PPA2: variants seen among roughly 807,000 people sequenced by gnomAD.
PPA2 encodes inorganic pyrophosphatase 2, mitochondrial.
A neutral mutation model predicts 49.5 loss-of-function variants in PPA2; 48 were observed. The ratio of observed to expected loss-of-function variants is 0.97; its 90% CI spans 0.77 to 1.23. The LOEUF (loss-of-function observed/expected upper bound fraction) is 1.23. Ranked by LOEUF, PPA2 falls within the 50% of genes most tolerant of loss-of-function variation. The pLI is 0.00. For synonymous variants in PPA2, 131 were observed against 139.9 expected (o/e 0.94, Z 0.45); for missense variants, 429 against 410.1 (o/e 1.05, Z -0.40).
intron 1 of PPA2, among the ~76,000 whole-genome samples, chr4:105,466,259 T>A (rs1723297012): frequency 6.6e-6 from 1 of 152,058 alleles, no homozygotes; most frequent in Non-Finnish European, 1.5e-5. Flanking sequence ...TCCCATTTAA[T>A]TTTTAAGTTT....
At chr4:105,430,320 A>G (rs1022540777) in intron 6 of PPA2, among the ~76,000 whole-genome samples, 2 of 152,246 alleles carry the variant, frequency 1.3e-5, no homozygotes, top group African/African-American at 4.8e-5. Flanking sequence ...ACAACTGACT[A>G]AAGTGATTGT....
chr4:105,442,491 C>A (rs1724416373), intron 5 of PPA2, among the ~76,000 whole-genome samples: 2 of 152,152 alleles, frequency 1.3e-5, no homozygotes, highest in South Asian at 4.1e-4. Flanking sequence ...TACATTAAGA[C>A]TGAAGAAATT....
intron 5 of PPA2, among the ~76,000 whole-genome samples, chr4:105,443,078 A>T (rs1724439526): frequency 6.6e-6 from 1 of 152,340 alleles, no homozygotes; most frequent in East Asian, 1.9e-4. Context: ...AACAATAAAC[A>T]TAATAAATAA....
At chr4:105,412,789 T>C (rs1722823176) in intron 7 of PPA2, among the ~76,000 whole-genome samples, 1 of 152,142 alleles carries the variant, frequency 6.6e-6, no homozygotes, top group Non-Finnish European at 1.5e-5. Context: ...TGAGATATCA[T>C]CTCACGCCAG....
intron 3 of PPA2, 145 bp from the exon 4 acceptor site, chr4:105,449,548 A>T (rs1578873706): frequency 6.0e-6 from 3 of 500,252 alleles, no homozygotes; most frequent in Non-Finnish European, 1.1e-5. Context: ...TATGCCTTAA[A>T]TTTTTTCTAG....
chr4:105,455,400 C>T (rs1023516143), intron 2 of PPA2, among the ~76,000 whole-genome samples: 4 of 152,090 alleles, frequency 2.6e-5, no homozygotes, highest in African/African-American at 7.2e-5. Flanking sequence ...TGGAGCTGCA[C>T]ACTTAAAAGT....
chr4:105,466,598 C>G (rs446202), intron 1 of PPA2, among the ~76,000 whole-genome samples: 151,082 of 152,298 alleles, frequency 0.99, 74,939 homozygotes, highest in East Asian at 1. Context: ...GGCAATTTTA[C>G]AGATGGAATC....
chr4:105,392,279 A>C (rs759196018), intron 9 of PPA2, among the ~76,000 whole-genome samples: 34 of 152,284 alleles, frequency 2.2e-4, no homozygotes, highest in Non-Finnish European at 4.1e-4. Flanking sequence ...ACAACAAAAA[A>C]AAAAACTTCG....
intron 4 of PPA2, among the ~76,000 whole-genome samples, chr4:105,448,656 T>C (rs1268538830): frequency 6.6e-6 from 1 of 151,716 alleles, no homozygotes; most frequent in African/African-American, 2.4e-5. Context: ...AAATGATTTA[T>C]TTCCTGGTAG....
At chr4:105,458,506 A>C (rs1298461591) in intron 1 of PPA2, among the ~76,000 whole-genome samples, 3 of 152,062 alleles carry the variant, frequency 2.0e-5, no homozygotes, top group Non-Finnish European at 4.4e-5. Flanking sequence ...ACAACAACAA[A>C]TAAGCCCTGG....
At position 105,467,001 on chromosome 4, in the gene PPA2, G is replaced by A. The variant is rs192917770; in HGVS notation, c.157+6893C>T. ...TCCTGAGATCTCATGGGAAGCTGCT[G>A]ATCACCAGCTTCAGGTGCTTCTGTT... On this transcript the variant is annotated intron_variant, in intron 1 of 11. Transcript: ENST00000341695. Among the ~76,000 whole-genome samples, 6 of 152,312 alleles carry A rather than the reference G, an allele frequency of 3.9e-5. No individual in the cohort carries two copies. In the East Asian group the frequency reaches 9.6e-4, roughly 24 times the overall value.
chr4:105,423,191 A>G (rs1259286839), intron 7 of PPA2: 5 of 152,158 alleles, frequency 3.3e-5, no homozygotes, highest in Non-Finnish European at 7.4e-5. Context: ...CTGAGGTTAC[A>G]TGCACTTCAC....
intron 6 of PPA2, among the ~76,000 whole-genome samples, chr4:105,436,630 T>C (rs923356248): frequency 2.0e-5 from 3 of 152,036 alleles, no homozygotes; most frequent in African/African-American, 2.4e-5. Context: ...AATAAACACA[T>C]AGATCAATGG....
chr4:105,433,571 C>A lies in PPA2; in HGVS notation c.528+4379G>T, dbSNP rs116772330. ...CTCAGCTGCTCTTTGTGCATGCCTCCAGGGGTTAATAGCTAAAGCTACATC... is the reference window on the plus strand; with the variant it reads ...CTCAGCTGCTCTTTGTGCATGCCTCAAGGGGTTAATAGCTAAAGCTACATC... On this transcript the variant is annotated intron_variant, in intron 6 of 11. Coordinates refer to ENST00000341695, the MANE Select transcript of PPA2 (RefSeq NM_176869.3). Among the ~76,000 whole-genome samples, 411 of 152,304 alleles carry A rather than the reference C, an allele frequency of 2.7e-3. 2 individuals are homozygous for A. The highest frequency in any genetic ancestry group is 9.2e-3 in the African/African-American group (383 of 41,570).
At chr4:105,391,531 C>A (rs1055211802) in intron 9 of PPA2, among the ~76,000 whole-genome samples, 1 of 129,332 alleles carries the variant, frequency 7.7e-6, no homozygotes, top group African/African-American at 2.5e-5. Flanking sequence ...AAACTCAATA[C>A]AAAGTATTAA....
chr4:105,396,361 A>T (rs1734146551), intron 8 of PPA2, 27 bp from the exon 9 acceptor site: 2 of 1,461,782 alleles, frequency 1.4e-6, no homozygotes, highest in Admixed American at 4.2e-5. Context: ...AAATAAAAAA[A>T]GACGTATTTA....
rs142677155 is a variant in PPA2 at position 105,468,600 on chromosome 4, T to C, written c.157+5294A>G. 5.2e-3 allele frequency among the ~76,000 whole-genome samples: 798 copies of C among 152,102 alleles called. 6 individuals are homozygous for C. Among genetic ancestry groups the C allele is most frequent in the African/African-American group, 0.018 (750 of 41,460 alleles). On this transcript the variant is annotated intron_variant, in intron 1 of 11. Coordinates refer to ENST00000341695, the MANE Select transcript of PPA2 (RefSeq NM_176869.3). ...AGTTAGGTGATCCTTGACTATTTGG[T>C]TTATATTAAAAAGACTAGAAAAAAT...
intron 5 of PPA2, among the ~76,000 whole-genome samples, chr4:105,438,674 A>G (rs1362563160): frequency 1.3e-5 from 2 of 152,302 alleles, no homozygotes; most frequent in Non-Finnish European, 2.9e-5. Context: ...ATTTTTATAA[A>G]TGAAGACTGT....
At chr4:105,466,884 C>T (rs1245609902) in intron 1 of PPA2, among the ~76,000 whole-genome samples, 1 of 152,138 alleles carries the variant, frequency 6.6e-6, no homozygotes, top group Non-Finnish European at 1.5e-5. Flanking sequence ...TTGAGGTGTT[C>T]TTCCCTTACC....
Sources: gnomAD v4.1 joint callset for allele counts (sites outside exome capture counted in the v4.1 genomes callset) on GRCh38, gnomAD v4.1.1 for gene constraint, MANE v1.5 for transcripts, NCBI Gene and HGNC (gene_info 2026-07-23, HGNC 2026-07-21) for gene names.